The following FMNL3 variants were observed in gnomAD, a reference collection of about 807,000 sequenced individuals.
FMNL3 encodes the protein formin-like protein 3.
In FMNL3, 57 loss-of-function variants were observed where a neutral mutation model predicts 119.6. The observed-to-expected ratio is 0.48, with a 90% CI of 0.39 to 0.59. The LOEUF (loss-of-function observed/expected upper bound fraction) is 0.59, where lower values mean the gene tolerates loss of function less well. Among genes scored for constraint, FMNL3 ranks in the 20% least tolerant of loss-of-function variants. FMNL3 has a pLI of 0.00. For synonymous variants in FMNL3, 491 were observed against 507.3 expected (o/e 0.97, Z 0.43); for missense variants, 1,053 against 1,323.5 (o/e 0.80, Z 3.17).
intron 1 of FMNL3, among the ~76,000 whole-genome samples, chr12:49,693,087 T>C (rs1285926159): frequency 6.6e-6 from 1 of 152,210 alleles, no homozygotes; most frequent in Non-Finnish European, 1.5e-5. Flanking sequence ...GGGTCCATTG[T>C]CAGGAGTTTG....
In FMNL3 at chr12:49,638,569, AAAGT is replaced by A. The variant is rs1942168808; in HGVS notation, c.*7242_*7245del. On this transcript the variant is annotated 3_prime_UTR_variant, in exon 26 of 26. Coordinates refer to ENST00000335154, the MANE Select transcript of FMNL3 (RefSeq NM_175736.5). Reference sequence around the variant, plus strand: ...ATATTTACATCTTATCAAAAGTGGAAAAGTGAGTGAGTGATGGACTAAACCTTGT... The same window carrying A: ...ATATTTACATCTTATCAAAAGTGGAAGAGTGAGTGATGGACTAAACCTTGT... The A allele has an allele frequency of 6.6e-6, 1 of 152,246 alleles. No homozygotes were observed. The highest frequency in any genetic ancestry group is 2.4e-5 in the African/African-American group (1 of 41,462). 9.4% of individuals were successfully genotyped at this position (152,246 alleles called of 1,614,324 possible).
At position 49,641,768 on chromosome 12, in the gene FMNL3, G is replaced by A; in HGVS notation, c.*4047C>T. The A allele has an allele frequency of 1.5e-6, 1 of 660,122 alleles. No homozygotes were observed. The highest frequency in any genetic ancestry group is 2.6e-6 in the Non-Finnish European group (1 of 381,696). The allele number at this position is 660,122 out of a possible 1,614,324, so 40.9% of individuals were successfully genotyped here. The stretch of plus-strand genomic sequence containing the variant: ...AAGTGATGAGGACTTGGATAACTTG[G>A]TTTCTAATGCAGACCACAGTCCTGT... On this transcript the variant is annotated 3_prime_UTR_variant, in exon 26 of 26. Transcript: ENST00000335154.
rs1364231994 is a variant in FMNL3 at position 49,665,770 on chromosome 12, CCT to C, written c.368+60_368+61del. The C allele has an allele frequency of 2.6e-6, 4 of 1,537,710 alleles. No homozygotes were observed. In the African/African-American group the frequency reaches 5.5e-5, roughly 21 times the overall value. On this transcript the variant is annotated intron_variant, in intron 4 of 25. Coordinates refer to ENST00000335154, the MANE Select transcript of FMNL3 (RefSeq NM_175736.5). ...ACACCATCCTCAGAGGACACCAGAC[CCT>C]GTGTGCCCAGCCAGCAGCCTGGGGC...
At position 49,637,973 on chromosome 12, in the gene FMNL3, C is replaced by CA. The variant is rs1942079006; in HGVS notation, c.*7841dup. ...GATCCTTTACTGCACACTAGGGATA[C>CA]AGTAATGAATACACAATTTCTACCA... On this transcript the variant is annotated 3_prime_UTR_variant, in exon 26 of 26. Coordinates refer to ENST00000335154, the MANE Select transcript of FMNL3 (RefSeq NM_175736.5). 4.7e-6 allele frequency: 3 copies of CA among 638,138 alleles called. No individual in the cohort carries two copies. Among genetic ancestry groups the CA allele is most frequent in the Non-Finnish European group, 5.6e-6 (2 of 358,866 alleles). 39.5% of individuals were successfully genotyped at this position (638,138 alleles called of 1,614,324 possible). A position where few individuals can be genotyped will look rare whatever the true frequency, so the allele number is the denominator to read the frequency against.
In FMNL3 at chr12:49,642,648, C is replaced by T. The variant is rs772225913; in HGVS notation, c.*3167G>A. 2.5e-6 allele frequency: 4 copies of T among 1,614,088 alleles called. No individual in the cohort carries two copies. In the African/African-American group the frequency reaches 5.3e-5, roughly 22 times the overall value. The stretch of plus-strand genomic sequence containing the variant: ...CCCTGGAGTCGGAGCGGATCCGGCT[C>T]TTCCGGGAGTTCCTACAGGTGCTGG... On this transcript the variant is annotated 3_prime_UTR_variant, in exon 26 of 26. Coordinates refer to ENST00000335154, the MANE Select transcript of FMNL3 (RefSeq NM_175736.5). This position sits in a 1 kb window ranked among gnomAD's most constrained non-coding sequence, Gnocchi z 5.8.
rs574895581 is a variant in FMNL3, at chr12:49,638,191, G to A, written c.*7624C>T. 5.0e-5 allele frequency: 10 copies of A among 199,160 alleles called. No homozygotes were observed. The East Asian group carries it at 1.3e-3, about 26-fold the overall frequency. 12.3% of individuals were successfully genotyped at this position (199,160 alleles called of 1,614,324 possible). On this transcript the variant is annotated 3_prime_UTR_variant, in exon 26 of 26. Transcript: ENST00000335154. Reference sequence around the variant, plus strand: ...GGGGTGGAAAGGGCATGCCAGGTCTGAGGAGGAAGAAGCATAGCTAATTGT... The same window carrying A: ...GGGGTGGAAAGGGCATGCCAGGTCTAAGGAGGAAGAAGCATAGCTAATTGT...
At chr12:49,654,520 G>T (rs1320450608) in intron 10 of FMNL3, among the ~76,000 whole-genome samples, 2 of 152,180 alleles carry the variant, frequency 1.3e-5, no homozygotes, top group African/African-American at 4.8e-5. Context: ...ATGAAAAACA[G>T]ATGTAAGTGA....
intron 9 of FMNL3, among the ~76,000 whole-genome samples, chr12:49,656,107 TTTTAA>T (rs1943560698): frequency 6.6e-6 from 1 of 152,142 alleles, no homozygotes; most frequent in Non-Finnish European, 1.5e-5. Context: ...GGATCTGTAC[TTTTAA>T]CAAGCTCCTT....
chr12:49,658,034 G>A (rs966837840), intron 6 of FMNL3, among the ~76,000 whole-genome samples: 3 of 152,186 alleles, frequency 2.0e-5, no homozygotes, highest in African/African-American at 7.2e-5. Flanking sequence ...TCTCCAAGCA[G>A]CTAAAGGGGC....
At position 49,661,834 on chromosome 12, in the gene FMNL3, G is replaced by C. The variant is rs1047536375; in HGVS notation, c.452+132C>G. Reference sequence around the variant, plus strand: ...CCTGCCTACTTCCACACCACTGCTTGGGCTACTCCTTCCTGTCCAGGATTC... The same window carrying C: ...CCTGCCTACTTCCACACCACTGCTTCGGCTACTCCTTCCTGTCCAGGATTC... On this transcript the variant is annotated intron_variant, in intron 5 of 25. Coordinates refer to ENST00000335154, the MANE Select transcript of FMNL3 (RefSeq NM_175736.5). 4.7e-6 allele frequency: 4 copies of C among 846,330 alleles called. No individual in the cohort carries two copies. In the Admixed American group the frequency reaches 5.8e-5, roughly 12 times the overall value. The allele number at this position is 846,330 out of a possible 1,614,324, so 52.4% of individuals were successfully genotyped here. A position where few individuals can be genotyped will look rare whatever the true frequency, so the allele number is the denominator to read the frequency against.
chr12:49,665,263 G>A (rs1468267227), intron 4 of FMNL3, among the ~76,000 whole-genome samples: 1 of 151,690 alleles, frequency 6.6e-6, no homozygotes, highest in African/African-American at 2.4e-5. Context: ...GTTCCTAAGG[G>A]CCCTATCAAT....
chr12:49,643,479 T>C lies in FMNL3; in HGVS notation c.*2336A>G, dbSNP rs186484553. ...TGCCCTCCACAAGCCCCAGCTCCTT[T>C]GAGGGTAGACTGGATTGGGAGGGCT... is the stretch of plus-strand genomic sequence containing the variant. On this transcript the variant is annotated 3_prime_UTR_variant, in exon 26 of 26. Transcript: ENST00000335154. 6.7e-7 allele frequency: 1 copy of C among 1,491,356 alleles called. No individual in the cohort carries two copies. Among genetic ancestry groups the C allele is most frequent in the East Asian group, 2.3e-5 (1 of 44,020 alleles). The allele number at this position is 1,491,356 out of a possible 1,614,324, so 92.4% of individuals were successfully genotyped here. A position where few individuals can be genotyped will look rare whatever the true frequency, so the allele number is the denominator to read the frequency against.
chr12:49,690,719 C>T (rs1035414185), intron 1 of FMNL3, among the ~76,000 whole-genome samples: 1 of 152,176 alleles, frequency 6.6e-6, no homozygotes, highest in African/African-American at 2.4e-5. Flanking sequence ...TGCCACAATC[C>T]ACTCAATCCA....
intron 1 of FMNL3, among the ~76,000 whole-genome samples, chr12:49,694,964 G>C (rs60121503): frequency 0.11 from 17,037 of 151,636 alleles, 1,097 homozygotes; most frequent in African/African-American, 0.18. Context: ...TTCTAGTGAA[G>C]TTAAAAAACT....
rs1399402354 is a variant in FMNL3 at position 49,638,793 on chromosome 12, C to CT, written c.*7021dup. The CT allele has an allele frequency of 1.8e-4, 28 of 152,250 alleles. No individual in the cohort carries two copies. The highest frequency in any genetic ancestry group is 6.7e-4 in the African/African-American group (28 of 41,544). The allele number at this position is 152,250 out of a possible 1,614,324, so 9.4% of individuals were successfully genotyped here. A position where few individuals can be genotyped will look rare whatever the true frequency, so the allele number is the denominator to read the frequency against. Reference sequence around the variant, plus strand: ...GACCTTTCTGACCCTGTTTCCTCATCTAAAAAATGGTGAGTGTTCCACCAG... The same window carrying CT: ...GACCTTTCTGACCCTGTTTCCTCATCTTAAAAAATGGTGAGTGTTCCACCAG... On this transcript the variant is annotated 3_prime_UTR_variant, in exon 26 of 26. Transcript: ENST00000335154.
intron 1 of FMNL3, among the ~76,000 whole-genome samples, chr12:49,671,962 A>G (rs1162036877): frequency 6.6e-6 from 1 of 152,210 alleles, no homozygotes; most frequent in Non-Finnish European, 1.5e-5. Context: ...TGGTGAACGC[A>G]TCCATAAACG....
Position 49,641,378 on chromosome 12 carries a change from G to A in FMNL3, c.*4437C>T, listed in dbSNP as rs1376581538. 1 of 152,968 alleles carries A rather than the reference G, an allele frequency of 6.5e-6. No homozygotes were observed. The highest frequency in any genetic ancestry group is 1.9e-4 in the East Asian group (1 of 5,212). 9.5% of individuals were successfully genotyped at this position (152,968 alleles called of 1,614,324 possible). ...ATATCAGCTGTGAGACCTTGGGCAA[G>A]TGCTCTAGTTTCTCTGAACCTTGGT... On this transcript the variant is annotated 3_prime_UTR_variant, in exon 26 of 26. Transcript: ENST00000335154.
At chr12:49,681,816 C>G (rs896374778) in intron 1 of FMNL3, among the ~76,000 whole-genome samples, 1 of 152,072 alleles carries the variant, frequency 6.6e-6, no homozygotes, top group Admixed American at 6.5e-5. Flanking sequence ...CCTTGGCCTC[C>G]CAAAGTGCTA....
Position 49,645,579 on chromosome 12 carries a change from A to G in FMNL3, c.*236T>C, listed in dbSNP as rs1943147997. On this transcript the variant is annotated 3_prime_UTR_variant, in exon 26 of 26. Coordinates refer to ENST00000335154, the MANE Select transcript of FMNL3 (RefSeq NM_175736.5). The stretch of plus-strand genomic sequence containing the variant: ...CCTAGCCCTGAGCTGACCCTTGGTG[A>G]CCCTTCAGGAAATGAAGTCAAAGAC... 2 of 496,660 alleles carry G rather than the reference A, an allele frequency of 4.0e-6. No individual in the cohort carries two copies. The highest frequency in any genetic ancestry group is 7.0e-6 in the Non-Finnish European group (2 of 284,438). 30.8% of individuals were successfully genotyped at this position (496,660 alleles called of 1,614,324 possible).
Sources: gnomAD v4.1 joint callset for allele counts (sites outside exome capture counted in the v4.1 genomes callset) on GRCh38, gnomAD v4.1.1 for gene constraint, Gnocchi (gnomAD v3.1) non-coding constraint, MANE v1.5 for transcripts, NCBI Gene and HGNC (gene_info 2026-07-23, HGNC 2026-07-21) for gene names.